STX1A: variants seen among roughly 807,000 people sequenced by gnomAD.
STX1A encodes the protein syntaxin 1A.
Under a neutral mutation model 37.8 loss-of-function variants are expected in STX1A, and 4 were observed. That is an observed-to-expected ratio of 0.11 (90% CI 0.05 to 0.24). STX1A has a LOEUF of 0.24. Ranked by LOEUF, STX1A falls within the 10% of genes least tolerant of loss-of-function variation. STX1A has a pLI of 1.00. For missense variants in STX1A, 251 were observed against 399.9 expected (o/e 0.63, Z 3.18); for synonymous variants, 135 against 147.4 (o/e 0.92, Z 0.61).
chr7:73,718,621 C>T (rs1022273711), intron 1 of STX1A, among the ~76,000 whole-genome samples: 4 of 151,984 alleles, frequency 2.6e-5, no homozygotes, highest in Admixed American at 6.6e-5. Context: ...ATCCACCCCC[C>T]CTCCCCGACA....
rs544484338 is a variant in STX1A at position 73,702,255 on chromosome 7, G to A, written c.678+590C>T. 6.6e-6 allele frequency among the ~76,000 whole-genome samples: 1 copy of A among 152,246 alleles called. No individual in the cohort carries two copies. Among genetic ancestry groups the A allele is most frequent in the South Asian group, 2.1e-4 (1 of 4,822 alleles). On this transcript the variant is annotated intron_variant, in intron 8 of 9. Coordinates refer to ENST00000222812, the MANE Select transcript of STX1A (RefSeq NM_004603.4). The surrounding 1 kb of genome is among the most constrained non-coding windows in gnomAD (Gnocchi z 4.7). Reference sequence around the variant, plus strand: ...TTGACCACTCACTCCAACAAAGGCAGCCGCCCCATCGTGGTCACGGTGTTA... The same window carrying A: ...TTGACCACTCACTCCAACAAAGGCAACCGCCCCATCGTGGTCACGGTGTTA...
chr7:73,715,219 C>T (rs782036556), intron 1 of STX1A, among the ~76,000 whole-genome samples: 1 of 151,540 alleles, frequency 6.6e-6, no homozygotes, highest in Non-Finnish European at 1.5e-5. Flanking sequence ...GTCAAGAGAT[C>T]GAGGCCATCC....
At chr7:73,707,626 C>A (rs556330425) in intron 3 of STX1A, among the ~76,000 whole-genome samples, 1 of 152,056 alleles carries the variant, frequency 6.6e-6, no homozygotes, top group East Asian at 1.9e-4. Context: ...AAAGCCAGTT[C>A]GAAATGAAAA....
At chr7:73,701,640 C>G (rs1173795883) in intron 8 of STX1A, among the ~76,000 whole-genome samples, 1 of 152,170 alleles carries the variant, frequency 6.6e-6, no homozygotes, top group Admixed American at 6.5e-5. Flanking sequence ...CACTGCCCCA[C>G]AAGACTCCTA....
At chr7:73,712,608 C>T (rs1232744097) in intron 1 of STX1A, among the ~76,000 whole-genome samples, 1 of 152,112 alleles carries the variant, frequency 6.6e-6, no homozygotes, top group African/African-American at 2.4e-5. Flanking sequence ...AGCTTGCAAA[C>T]CTCCTGTGAC....
intron 1 of STX1A, among the ~76,000 whole-genome samples, chr7:73,714,661 A>G (rs1799226487): frequency 6.6e-6 from 1 of 152,026 alleles, no homozygotes; most frequent in African/African-American, 2.4e-5. Context: ...CAGCCTCCCA[A>G]GTAGTTGGTA....
At position 73,700,941 on chromosome 7, in the gene STX1A, A is replaced by C; in HGVS notation, c.679-101T>G. The C allele has an allele frequency of 1.3e-6, 2 of 1,559,700 alleles. No homozygotes were observed. The highest frequency in any genetic ancestry group is 4.7e-5 in the East Asian group (2 of 42,870). The stretch of plus-strand genomic sequence containing the variant: ...GGAAAGCACCCTGAGGCTAGAGACA[A>C]AAAGGGGGCGTGAGGAGGTTAGGGT... On this transcript the variant is annotated intron_variant, in intron 8 of 9. Coordinates refer to ENST00000222812, the MANE Select transcript of STX1A (RefSeq NM_004603.4). This position sits in a 1 kb window ranked among gnomAD's most constrained non-coding sequence, Gnocchi z 4.4.
rs1021017089 is a variant in STX1A, at chr7:73,717,246, G to A, written c.30+2356C>T. Reference sequence around the variant, plus strand: ...GGAGGGAGGGAGGGCTGGGAGCGGTGCACAGCCGCTGTCCCCAGCACCATC... The same window carrying A: ...GGAGGGAGGGAGGGCTGGGAGCGGTACACAGCCGCTGTCCCCAGCACCATC... On this transcript the variant is annotated intron_variant, in intron 1 of 9. Transcript: ENST00000222812. This position sits in a 1 kb window ranked among gnomAD's most constrained non-coding sequence, Gnocchi z 4.1. 4.6e-5 allele frequency among the ~76,000 whole-genome samples: 7 copies of A among 152,118 alleles called. No homozygotes were observed. Among genetic ancestry groups the A allele is most frequent in the African/African-American group, 1.2e-4 (5 of 41,424 alleles).
rs533926822 is a variant in STX1A, at chr7:73,709,233, G to C, written c.31-111C>G. 9.9e-6 allele frequency: 11 copies of C among 1,110,762 alleles called. No individual in the cohort carries two copies. The African/African-American group carries it at 1.7e-4, about 17-fold the overall frequency. The allele number at this position is 1,110,762 out of a possible 1,614,324, so 68.8% of individuals were successfully genotyped here. A position where few individuals can be genotyped will look rare whatever the true frequency, so the allele number is the denominator to read the frequency against. On this transcript the variant is annotated intron_variant, in intron 1 of 9. Transcript: ENST00000222812. The surrounding 1 kb of genome is among the most constrained non-coding windows in gnomAD (Gnocchi z 4.2). ...CCTGCCCCTCCCCCTCTCCCTGGGG[G>C]CCTCTGGGCAGGGACAAGAACAGGC... is the stretch of plus-strand genomic sequence containing the variant.
intron 1 of STX1A, chr7:73,711,425 A>G (rs1554617908): frequency 6.5e-6 from 1 of 153,636 alleles, no homozygotes; most frequent in Non-Finnish European, 1.5e-5. Context: ...TCTTTAAGAT[A>G]TCGTACCACC....
Position 73,700,605 on chromosome 7 carries a change from G to A in STX1A, c.790-121C>T, listed in dbSNP as rs1233947923. On this transcript the variant is annotated intron_variant, in intron 9 of 9. Transcript: ENST00000222812. The surrounding 1 kb of genome is among the most constrained non-coding windows in gnomAD (Gnocchi z 4.4). ...TCCAAGCAGGGGAAGGTGACGGCCT[G>A]GGAGGGGGCTGTCATGGGGAGCTCC... The A allele has an allele frequency of 1.3e-5, 20 of 1,498,598 alleles. No individual in the cohort carries two copies. The Admixed American group carries it at 3.3e-4, about 24-fold the overall frequency. The allele number at this position is 1,498,598 out of a possible 1,614,324, so 92.8% of individuals were successfully genotyped here.
rs540109715 is a variant in STX1A at position 73,706,808 on chromosome 7, G to A, written c.209-1584C>T. Among the ~76,000 whole-genome samples, 106 of 152,286 alleles carry A rather than the reference G, an allele frequency of 7.0e-4. 1 individual carries two copies. The highest frequency in any genetic ancestry group is 2.5e-3 in the African/African-American group (104 of 41,548). ...ACACACAGTGACCCAGATACCTCTG[G>A]GCGCACAGACATCCGTCTCATGCTG... is the stretch of plus-strand genomic sequence containing the variant. On this transcript the variant is annotated intron_variant, in intron 3 of 9. Transcript: ENST00000222812. This position sits in a 1 kb window ranked among gnomAD's most constrained non-coding sequence, Gnocchi z 4.6.
At position 73,705,435 on chromosome 7, in the gene STX1A, T is replaced by A. The variant is rs1584245561; in HGVS notation, c.209-211A>T. The stretch of plus-strand genomic sequence containing the variant: ...TGCAGCTTCACCCCCTCTTGTGCTG[T>A]CTTCGGAGGAGCCTCCCTTCCTCCT... On this transcript the variant is annotated intron_variant, in intron 3 of 9. Coordinates refer to ENST00000222812, the MANE Select transcript of STX1A (RefSeq NM_004603.4). This position sits in a 1 kb window ranked among gnomAD's most constrained non-coding sequence, Gnocchi z 5.2. 1.8e-6 allele frequency: 1 copy of A among 552,564 alleles called. No homozygotes were observed. Among genetic ancestry groups the A allele is most frequent in the East Asian group, 3.1e-5 (1 of 32,542 alleles). 34.2% of individuals were successfully genotyped at this position (552,564 alleles called of 1,614,324 possible). A position where few individuals can be genotyped will look rare whatever the true frequency, so the allele number is the denominator to read the frequency against.
chr7:73,703,232 G>A, intron 7 of STX1A: 2 of 581,632 alleles, frequency 3.4e-6, no homozygotes, highest in East Asian at 5.9e-5. Flanking sequence ...TGGCCACAGA[G>A]CGAGTGCTCA....
rs2076558039 is a variant in STX1A, at chr7:73,705,756, CTAAGT to C, written c.209-537_209-533del. Reference sequence around the variant, plus strand: ...CCACAAAGCTACGCCTCCCTGGGTGCTAAGTACCTGGCGGGCGGAAGAGGGCAAGG... The same window carrying C: ...CCACAAAGCTACGCCTCCCTGGGTGCACCTGGCGGGCGGAAGAGGGCAAGG... On this transcript the variant is annotated intron_variant, in intron 3 of 9. Transcript: ENST00000222812. This position sits in a 1 kb window ranked among gnomAD's most constrained non-coding sequence, Gnocchi z 5.2. 1 of 156,304 alleles carries C rather than the reference CTAAGT, an allele frequency of 6.4e-6. No homozygotes were observed. The highest frequency in any genetic ancestry group is 6.4e-5 in the Admixed American group (1 of 15,740). 9.7% of individuals were successfully genotyped at this position (156,304 alleles called of 1,614,324 possible).
intron 1 of STX1A, among the ~76,000 whole-genome samples, chr7:73,711,616 C>A (rs1453091505): frequency 3.3e-5 from 5 of 152,084 alleles, no homozygotes; most frequent in Admixed American, 3.3e-4. Flanking sequence ...CCTAGGGAAA[C>A]TGAGGCAGAG....
chr7:73,701,462 C>T (rs1798651722), intron 8 of STX1A, among the ~76,000 whole-genome samples: 1 of 151,550 alleles, frequency 6.6e-6, no homozygotes, highest in Non-Finnish European at 1.5e-5. Flanking sequence ...GCAGAGGTTG[C>T]AGTGAACTGA....
chr7:73,708,534 G>A, intron 3 of STX1A, 55 bp downstream of exon 3: 1 of 1,544,336 alleles, frequency 6.5e-7, no homozygotes, highest in South Asian at 1.2e-5. Flanking sequence ...CCTGGCAGCA[G>A]CCCCTTCCCG....
In STX1A at chr7:73,702,840, C is replaced by T. The variant is rs1350827352; in HGVS notation, c.678+5G>A. 2.5e-6 allele frequency: 4 copies of T among 1,613,742 alleles called. No homozygotes were observed. The highest frequency in any genetic ancestry group is 1.1e-5 in the South Asian group (1 of 91,070). Reference sequence around the variant, plus strand: ...GAGTGGAGGGCAGGGGGGCCCGGCACTCACCTGGCTCTCCACGAGCATGGC... The same window carrying T: ...GAGTGGAGGGCAGGGGGGCCCGGCATTCACCTGGCTCTCCACGAGCATGGC... On this transcript the variant is annotated splice_donor_5th_base_variant and intron_variant, in intron 8 of 9. Transcript: ENST00000222812. This position sits in a 1 kb window ranked among gnomAD's most constrained non-coding sequence, Gnocchi z 4.7.
Sources: allele counts gnomAD v4.1 joint callset (sites outside exome capture counted in the v4.1 genomes callset), GRCh38; gene constraint gnomAD v4.1.1; non-coding constraint Gnocchi (gnomAD v3.1); transcripts MANE v1.5; gene names NCBI Gene and HGNC (gene_info 2026-07-23, HGNC 2026-07-21).